The following RGSL1 variants were observed in gnomAD, a reference collection of about 807,000 sequenced individuals.
RGSL1 encodes regulator of G protein signaling protein-like.
In RGSL1, 97 loss-of-function variants were observed where a neutral mutation model predicts 124.7. That is an observed-to-expected ratio of 0.78 (90% CI 0.66 to 0.92). The LOEUF is 0.92. Ranked by LOEUF, RGSL1 falls within the 40% of genes least tolerant of loss-of-function variation. RGSL1 has a pLI of 0.00. For missense variants in RGSL1, 1,233 were observed against 1,288.4 expected, an observed-to-expected ratio of 0.96 and a Z score of 0.66; for synonymous variants, 424 against 438.1, an observed-to-expected ratio of 0.97 and a Z score of 0.40.
intron 6 of RGSL1, 149 bp from the exon 7 acceptor site, chr1:182,488,136 G>T (rs1655234818): frequency 2.9e-6 from 2 of 692,200 alleles, no homozygotes; most frequent in Non-Finnish European, 4.8e-6. Context: ...CTCCTGGTTG[G>T]TCATAGCTAA....
intron 9 of RGSL1, among the ~76,000 whole-genome samples, chr1:182,503,977 T>C (rs112458074): frequency 0.7 from 83,963 of 120,794 alleles, 27,172 homozygotes; most frequent in Middle Eastern, 0.74. Flanking sequence ...GTAATTTCTT[T>C]TTTTTTTTTT....
intron 21 of RGSL1, among the ~76,000 whole-genome samples, chr1:182,558,312 A>G (rs1307160572): frequency 6.6e-6 from 1 of 152,084 alleles, no homozygotes; most frequent in East Asian, 1.9e-4. Flanking sequence ...CCGTCTAAGG[A>G]AAAGGCCAAG....
intron 2 of RGSL1, among the ~76,000 whole-genome samples, chr1:182,454,570 A>G (rs1158824794): frequency 6.8e-6 from 1 of 147,296 alleles, no homozygotes; most frequent in Non-Finnish European, 1.5e-5. Flanking sequence ...GGCACTTTGC[A>G]ACTCTCTTGA....
chr1:182,480,270 T>C (rs914177924), intron 6 of RGSL1, among the ~76,000 whole-genome samples: 1 of 152,084 alleles, frequency 6.6e-6, no homozygotes, highest in Non-Finnish European at 1.5e-5. Flanking sequence ...AATTTAAGAT[T>C]AAAAATATTC....
intron 9 of RGSL1, among the ~76,000 whole-genome samples, chr1:182,515,450 C>A (rs1158288130): frequency 6.8e-6 from 1 of 148,122 alleles, no homozygotes; most frequent in Non-Finnish European, 1.5e-5. Context: ...TGGGCCCTGG[C>A]GAATTTGCAG....
chr1:182,473,223 A>AACCTCTTC (rs1463892744), intron 5 of RGSL1, among the ~76,000 whole-genome samples: 3 of 152,222 alleles, frequency 2.0e-5, no homozygotes, highest in Non-Finnish European at 4.4e-5. Context: ...ATCCAGTCCA[A>AACCTCTTC]ACCTCTTCAT....
intron 2 of RGSL1, among the ~76,000 whole-genome samples, chr1:182,455,485 G>A (rs1297299599): frequency 1.3e-5 from 2 of 152,108 alleles, no homozygotes; most frequent in African/African-American, 2.4e-5. Flanking sequence ...AGGAGGCTGA[G>A]GCACGAGAAT....
chr1:182,479,650 T>G (rs533610957), intron 6 of RGSL1, among the ~76,000 whole-genome samples: 5 of 152,144 alleles, frequency 3.3e-5, no homozygotes, highest in African/African-American at 1.2e-4. Flanking sequence ...CTAACGATAA[T>G]TACTTTAAAT....
rs11484592 is a variant in RGSL1 at position 182,510,215 on chromosome 1, T to G, written c.1826-11789T>G. 6.3e-3 allele frequency among the ~76,000 whole-genome samples: 149 copies of G among 23,558 alleles called. 1 individual carries two copies. The highest frequency in any genetic ancestry group is 0.013 in the South Asian group (14 of 1,072). The allele number at this position is 23,558 out of a possible 152,430, so 15.5% of individuals were successfully genotyped here. A position where few individuals can be genotyped will look rare whatever the true frequency, so the allele number is the denominator to read the frequency against. ...CCAGACTGGGCAGCCAGGCAGAGGGTCTCCTCACATCCCAGACGATGGGCG... is the reference window on the plus strand; with the variant it reads ...CCAGACTGGGCAGCCAGGCAGAGGGGCTCCTCACATCCCAGACGATGGGCG... On this transcript the variant is annotated intron_variant, in intron 9 of 21. Coordinates refer to ENST00000294854, the MANE Select transcript of RGSL1 (RefSeq NM_001137669.2).
chr1:182,474,754 C>T (rs965915804), intron 6 of RGSL1, among the ~76,000 whole-genome samples: 2 of 152,130 alleles, frequency 1.3e-5, no homozygotes, highest in Admixed American at 6.5e-5. Context: ...GGAACTGGGC[C>T]GCACAGCAGA....
At chr1:182,469,791 A>AT (rs1323429013) in intron 4 of RGSL1, among the ~76,000 whole-genome samples, 1 of 152,214 alleles carries the variant, frequency 6.6e-6, no homozygotes, top group African/African-American at 2.4e-5. Flanking sequence ...AAAATGTGAG[A>AT]TTTTAAATAT....
chr1:182,458,533 G>C, intron 3 of RGSL1, 140 bp downstream of exon 3: 2 of 691,014 alleles, frequency 2.9e-6, no homozygotes, highest in Non-Finnish European at 2.4e-6. Context: ...GCGGTGATGC[G>C]ATCTTAGCTC....
chr1:182,537,589 A>G (rs759191827), intron 14 of RGSL1, among the ~76,000 whole-genome samples: 2 of 152,220 alleles, frequency 1.3e-5, no homozygotes, highest in Non-Finnish European at 2.9e-5. Flanking sequence ...ACTCGAAAAC[A>G]GTTTTATTCT....
Position 182,540,412 on chromosome 1 carries a change from A to C in RGSL1, c.2660A>C (p.Glu887Ala). The change falls in exon 15 of 22, where the codon GAA becomes GCA. Residue 887 changes from glutamate (E) to alanine (A), a missense_variant. Transcript: ENST00000294854. The stretch of plus-strand genomic sequence containing the variant: ...ATCAATGATCTATATTTCTTTTCTG[A>C]AATGGAGAAGTAAGTTTTCCACTTC... ...FAINDLYFFS[E>A]MEKFNDLVSS... 6.5e-7 allele frequency: 1 copy of C among 1,550,122 alleles called. No homozygotes were observed. Among genetic ancestry groups the C allele is most frequent in the Non-Finnish European group, 8.7e-7 (1 of 1,146,192 alleles).
intron 15 of RGSL1, among the ~76,000 whole-genome samples, chr1:182,541,219 C>T (rs1659872901): frequency 6.6e-6 from 1 of 152,100 alleles, no homozygotes; most frequent in Non-Finnish European, 1.5e-5. Flanking sequence ...ATTTGTACCT[C>T]TTGATCAAAC....
chr1:182,540,533 A>G, intron 15 of RGSL1, 112 bp downstream of exon 15: 1 of 822,844 alleles, frequency 1.2e-6, no homozygotes, highest in Non-Finnish European at 1.7e-6. Context: ...AGACCTGTCC[A>G]GTAAGAGTCT....
chr1:182,496,327 C>G (rs1240696229), intron 9 of RGSL1, among the ~76,000 whole-genome samples: 1 of 152,152 alleles, frequency 6.6e-6, no homozygotes, highest in African/African-American at 2.4e-5. Context: ...CCACCTCCAA[C>G]ATTGGAGATT....
chr1:182,507,914 GCTGATCTCGAACT>G lies in RGSL1; in HGVS notation c.1826-14088_1826-14076del, dbSNP rs1014026607. The stretch of plus-strand genomic sequence containing the variant: ...GACGGGGTTTTGGCATGTTGCCCAG[GCTGATCTCGAACT>G]CCCGGGCTCAAACAATCCACCCACT... On this transcript the variant is annotated intron_variant, in intron 9 of 21. Coordinates refer to ENST00000294854, the MANE Select transcript of RGSL1 (RefSeq NM_001137669.2). Among the ~76,000 whole-genome samples the G allele has an allele frequency of 5.3e-5, 8 of 152,202 alleles. 1 individual carries two copies. The highest frequency in any genetic ancestry group is 1.9e-4 in the East Asian group (1 of 5,170).
intron 9 of RGSL1, among the ~76,000 whole-genome samples, chr1:182,495,548 T>C (rs1281476804): frequency 6.6e-6 from 1 of 152,216 alleles, no homozygotes; most frequent in Non-Finnish European, 1.5e-5. Context: ...TATGTATATA[T>C]TCTTATCCTG....
Sources: gnomAD v4.1 joint callset for allele counts (sites outside exome capture counted in the v4.1 genomes callset) on GRCh38, gnomAD v4.1.1 for gene constraint, MANE v1.5 for transcripts, NCBI Gene and HGNC (gene_info 2026-07-23, HGNC 2026-07-21) for gene names.